The following REC114 variants were observed in gnomAD, a reference collection of about 807,000 sequenced individuals.
The protein encoded by REC114 is REC114 meiotic recombination protein.
A neutral mutation model predicts 31.3 loss-of-function variants in REC114; 27 were observed. The ratio of observed to expected loss-of-function variants is 0.86; its 90% CI spans 0.64 to 1.19. The LOEUF is 1.19. Among genes scored for constraint, REC114 ranks in the 50% most tolerant of loss-of-function variants. The pLI, the probability that REC114 is intolerant of heterozygous loss-of-function variation, is 0.00. For synonymous variants in REC114, 134 were observed against 127.7 expected (o/e 1.05, Z -0.33); for missense variants, 344 against 326.9 (o/e 1.05, Z -0.40).
chr15:73,532,182 T>G (rs1211902705), intron 2 of REC114, among the ~76,000 whole-genome samples: 1 of 150,910 alleles, frequency 6.6e-6, no homozygotes, highest in Non-Finnish European at 1.5e-5. Flanking sequence ...CCCCTTCCTG[T>G]GTCCATGTGA....
chr15:73,506,131 T>C (rs1041934291), intron 2 of REC114, among the ~76,000 whole-genome samples: 5 of 152,200 alleles, frequency 3.3e-5, no homozygotes, highest in African/African-American at 1.2e-4. Flanking sequence ...TACTTATTTA[T>C]GGAATAGGCT....
At chr15:73,556,889 C>T (rs941145469) in intron 5 of REC114, among the ~76,000 whole-genome samples, 2 of 152,006 alleles carry the variant, frequency 1.3e-5, no homozygotes, top group Non-Finnish European at 2.9e-5. Flanking sequence ...CAGCCCCTTG[C>T]CCCCTGCTGC....
chr15:73,527,890 A>C (rs1029564409), intron 2 of REC114, among the ~76,000 whole-genome samples: 1 of 151,528 alleles, frequency 6.6e-6, no homozygotes, highest in South Asian at 2.1e-4. Flanking sequence ...TACGGGGGGG[A>C]AAAAAAGGCA....
intron 2 of REC114, chr15:73,483,641 A>T (rs1893325140): frequency 6.6e-6 from 1 of 152,220 alleles, no homozygotes; most frequent in Non-Finnish European, 1.5e-5. Context: ...CTTACTTGAT[A>T]TTTAGCTTCT....
chr15:73,529,387 C>G (rs932676650), intron 2 of REC114, among the ~76,000 whole-genome samples: 1 of 152,120 alleles, frequency 6.6e-6, no homozygotes, highest in Non-Finnish European at 1.5e-5. Flanking sequence ...GTCCACCTGC[C>G]TCGGCCTCCC....
At chr15:73,472,845 T>C (rs1010143865) in intron 1 of REC114, among the ~76,000 whole-genome samples, 2 of 152,206 alleles carry the variant, frequency 1.3e-5, no homozygotes, top group African/African-American at 4.8e-5. Flanking sequence ...AGGTTCAAGA[T>C]GAATAAAGGG....
At chr15:73,552,974 C>G (rs1397699223) in intron 4 of REC114, among the ~76,000 whole-genome samples, 1 of 152,044 alleles carries the variant, frequency 6.6e-6, no homozygotes, top group Non-Finnish European at 1.5e-5. Context: ...ACCACCATGC[C>G]CAGCTAATTT....
chr15:73,487,661 T>C (rs556120160), intron 2 of REC114, among the ~76,000 whole-genome samples: 197 of 152,308 alleles, frequency 1.3e-3, no homozygotes, highest in African/African-American at 4.5e-3. Context: ...ACACAGCAGT[T>C]CTCATGCGTT....
rs1008864641 is a variant in REC114, at chr15:73,452,540, A to T, written c.159+9196A>T. ...CTCATGGATAGGCAGAATCAATATC[A>T]TGAAAATGGCCATTCTGCCCCAAGT... On this transcript the variant is annotated intron_variant, in intron 1 of 5. Transcript: ENST00000331090. Among the ~76,000 whole-genome samples, 3 of 152,298 alleles carry T rather than the reference A, an allele frequency of 2.0e-5. No individual in the cohort carries two copies. The East Asian group carries it at 5.8e-4, about 29-fold the overall frequency.
rs748657800 is a variant in REC114, at chr15:73,559,790, A to ACAATCTGCATGGGGTGCAG, written c.676_694dup (p.Glu232AlafsTer49). On this transcript the variant is annotated frameshift_variant, in exon 6 of 6. Coordinates refer to ENST00000331090, the MANE Select transcript of REC114 (RefSeq NM_001042367.2). LOFTEE classifies it high-confidence loss of function. Reference sequence around the variant, plus strand: ...CGGAGGAGCTGCCCCATGTCTATGAACAATCTGCATGGGGTGCAGAAGAGT... The same window carrying ACAATCTGCATGGGGTGCAG: ...CGGAGGAGCTGCCCCATGTCTATGAACAATCTGCATGGGGTGCAGCAATCTGCATGGGGTGCAGAAGAGT... 10 of 1,608,730 alleles carry ACAATCTGCATGGGGTGCAG rather than the reference A, an allele frequency of 6.2e-6. No individual in the cohort carries two copies. Among genetic ancestry groups the ACAATCTGCATGGGGTGCAG allele is most frequent in the Non-Finnish European group, 6.8e-6 (8 of 1,178,454 alleles).
Position 73,473,911 on chromosome 15 carries a change from A to G in REC114, c.239A>G (p.Gln80Arg), listed in dbSNP as rs541144307. The G allele has an allele frequency of 4.5e-6, 7 of 1,570,972 alleles. No homozygotes were observed. In the South Asian group the frequency reaches 5.8e-5, roughly 13 times the overall value. Reference sequence around the variant, plus strand: ...GGTCATTTCTTCATTTTCCAAGGACAGACACTACTGGTAGGTTTTATGCAT... The same window carrying G: ...GGTCATTTCTTCATTTTCCAAGGACGGACACTACTGGTAGGTTTTATGCAT... ...ISGHFFIFQG[Q>R]TLLEGFSLIG... is the part of the protein sequence containing the mutation. Residue 80 changes from glutamine (Q) to arginine (R), a missense_variant, in exon 2 of 6, where the codon CAG (glutamine) becomes CGG (arginine). Transcript: ENST00000331090.
Position 73,495,857 on chromosome 15 carries a change from C to T in REC114, c.249+21936C>T, listed in dbSNP as rs1015659096. On this transcript the variant is annotated intron_variant, in intron 2 of 5. Transcript: ENST00000331090. ...TAATCATTAATGAAAGGGAAATGAG[C>T]ACATTTTACTTTGACTATTACTAAT... Among the ~76,000 whole-genome samples, 3 of 152,154 alleles carry T rather than the reference C, an allele frequency of 2.0e-5. 1 individual carries two copies. Among genetic ancestry groups the T allele is most frequent in the South Asian group, 4.2e-4 (2 of 4,818 alleles).
intron 1 of REC114, among the ~76,000 whole-genome samples, chr15:73,462,754 G>C (rs567326889): frequency 6.6e-6 from 1 of 151,776 alleles, no homozygotes; most frequent in Non-Finnish European, 1.5e-5. Context: ...GCATGGTAGC[G>C]GGCACCTGTA....
chr15:73,503,315 G>T (rs549671533), intron 2 of REC114, among the ~76,000 whole-genome samples: 1 of 152,184 alleles, frequency 6.6e-6, no homozygotes, highest in South Asian at 2.1e-4. Flanking sequence ...ACAACTCATA[G>T]AACTGTATAC....
chr15:73,449,156 T>C (rs1484545157), intron 1 of REC114, among the ~76,000 whole-genome samples: 2 of 152,068 alleles, frequency 1.3e-5, no homozygotes, highest in Non-Finnish European at 2.9e-5. Flanking sequence ...TTTGATGAAC[T>C]GACAGAAGCA....
chr15:73,480,274 T>TA (rs1184339017), intron 2 of REC114, among the ~76,000 whole-genome samples: 1 of 151,914 alleles, frequency 6.6e-6, no homozygotes, highest in Non-Finnish European at 1.5e-5. Flanking sequence ...TAATTTTTTT[T>TA]ATTTTTATTT....
chr15:73,536,667 G>A (rs988667844), intron 2 of REC114, among the ~76,000 whole-genome samples: 8 of 152,150 alleles, frequency 5.3e-5, no homozygotes, highest in African/African-American at 1.9e-4. Context: ...TGAAATTTAT[G>A]TATGGCAAGT....
chr15:73,549,327 C>T (rs531113230), intron 3 of REC114, among the ~76,000 whole-genome samples: 18 of 152,116 alleles, frequency 1.2e-4, no homozygotes, highest in African/African-American at 2.9e-4. Context: ...CAATTGAACT[C>T]GTGGAGATAA....
intron 2 of REC114, among the ~76,000 whole-genome samples, chr15:73,477,262 G>A (rs2141294994): frequency 6.6e-6 from 1 of 152,206 alleles, no homozygotes; most frequent in East Asian, 1.9e-4. Context: ...TCAGAAATGT[G>A]TTCTTCAAAT....
Sources: gnomAD v4.1 joint callset for allele counts (sites outside exome capture counted in the v4.1 genomes callset) on GRCh38, gnomAD v4.1.1 for gene constraint, MANE v1.5 for transcripts, NCBI Gene and HGNC (gene_info 2026-07-23, HGNC 2026-07-21) for gene names.